Variants in GATAD1 observed in about 807,000 individuals in gnomAD.
GATAD1 encodes the protein GATA zinc finger domain containing 1.
Under a neutral mutation model 26.5 loss-of-function variants are expected in GATAD1, and 12 were observed. The observed-to-expected ratio is 0.45, with a 90% CI of 0.29 to 0.73. GATAD1 has a LOEUF of 0.73. GATAD1 is among the 30% of genes least tolerant of loss of function. The probability of loss-of-function intolerance (pLI) is 0.10; values close to 1 mark genes in which losing one functional copy is unlikely to be tolerated. For synonymous variants in GATAD1, 129 were observed against 133.1 expected, an observed-to-expected ratio of 0.97 and a Z score of 0.21; for missense variants, 266 against 342.1, an observed-to-expected ratio of 0.78 and a Z score of 1.75.
the GATAD1 span, among the ~76,000 whole-genome samples, chr7:92,485,772 CA>C: frequency 6.6e-6 from 1 of 152,204 alleles, no homozygotes; most frequent in Non-Finnish European, 1.5e-5. Flanking sequence ...ATATCTCCTC[CA>C]TTCTGTCAGG....
At chr7:92,473,938 C>G in the GATAD1 span, among the ~76,000 whole-genome samples, 1 of 152,006 alleles carries the variant, frequency 6.6e-6, no homozygotes, top group African/African-American at 2.4e-5. Flanking sequence ...GACCTTTGTC[C>G]CCTGGGGCAG....
chr7:92,447,695 C>G lies in GATAD1; in HGVS notation c.-35C>G. 5.6e-6 allele frequency: 8 copies of G among 1,425,986 alleles called. No homozygotes were observed. Among genetic ancestry groups the G allele is most frequent in the Non-Finnish European group, 7.3e-6 (8 of 1,089,224 alleles). 88.3% of individuals were successfully genotyped at this position (1,425,986 alleles called of 1,614,324 possible). On this transcript the variant is annotated 5_prime_UTR_variant, in exon 1 of 5. Coordinates refer to ENST00000287957, the MANE Select transcript of GATAD1 (RefSeq NM_021167.5). ...GGGCTACCGTCCGCCATTCCCGTGT[C>G]TCTGCGCCCGCGGGGGCCGCCCGAG... is the stretch of plus-strand genomic sequence containing the variant.
the GATAD1 span, among the ~76,000 whole-genome samples, chr7:92,485,718 G>C: frequency 1.3e-5 from 2 of 152,198 alleles, no homozygotes; most frequent in Admixed American, 6.5e-5. Flanking sequence ...CTTACAAACA[G>C]TGGAGACAGG....
chr7:92,474,308 T>TA, the GATAD1 span, among the ~76,000 whole-genome samples: 4 of 152,192 alleles, frequency 2.6e-5, no homozygotes, highest in Admixed American at 6.5e-5. Flanking sequence ...GTGATAAACT[T>TA]ACGCTTTAAG....
At chr7:92,464,749 G>A (rs1194554057), downstream of GATAD1, among the ~76,000 whole-genome samples, 2 of 152,184 alleles carry the variant, frequency 1.3e-5, no homozygotes, top group Non-Finnish European at 2.9e-5. Flanking sequence ...AGTGGCTTCA[G>A]CAAAGGCATC....
rs1241115800 is a variant in GATAD1, at chr7:92,457,939, C to A, written c.*1377C>A. ...ATCACTTGAGGTCAGGAGTTCAGGACCAGCCTGGCCAACATGATGAAACCC... is the reference window on the plus strand; with the variant it reads ...ATCACTTGAGGTCAGGAGTTCAGGAACAGCCTGGCCAACATGATGAAACCC... On this transcript the variant is annotated 3_prime_UTR_variant, in exon 5 of 5. Coordinates refer to ENST00000287957, the MANE Select transcript of GATAD1 (RefSeq NM_021167.5). 6.6e-6 allele frequency: 1 copy of A among 152,184 alleles called. No homozygotes were observed. The highest frequency in any genetic ancestry group is 2.4e-5 in the African/African-American group (1 of 41,422). The allele number at this position is 152,184 out of a possible 1,614,324, so 9.4% of individuals were successfully genotyped here.
At chr7:92,494,703 G>T in the GATAD1 span, 1 of 1,171,638 alleles carries the variant, frequency 8.5e-7, no homozygotes, top group Non-Finnish European at 1.2e-6. Flanking sequence ...ATACATATAT[G>T]AATGTATTTA....
chr7:92,482,035 G>GA, the GATAD1 span, among the ~76,000 whole-genome samples: 6 of 152,226 alleles, frequency 3.9e-5, no homozygotes, highest in African/African-American at 1.4e-4. Context: ...AGATTTAAAG[G>GA]AGGGGCTACA....
Position 92,458,804 on chromosome 7 carries a change from A to T in GATAD1, c.*2242A>T, listed in dbSNP as rs1789798954. ...AACTTTCTAAGTGCCAATATTCAAA[A>T]CTTTTGGATTAAAATGTATTTTTCA... is the stretch of plus-strand genomic sequence containing the variant. On this transcript the variant is annotated 3_prime_UTR_variant, in exon 5 of 5. Coordinates refer to ENST00000287957, the MANE Select transcript of GATAD1 (RefSeq NM_021167.5). 6.6e-6 allele frequency: 1 copy of T among 152,206 alleles called. No homozygotes were observed. Among genetic ancestry groups the T allele is most frequent in the South Asian group, 2.1e-4 (1 of 4,830 alleles). The allele number at this position is 152,206 out of a possible 1,614,324, so 9.4% of individuals were successfully genotyped here.
At chr7:92,454,038 A>G (rs183526168) in intron 3 of GATAD1, 52 of 186,872 alleles carry the variant, frequency 2.8e-4, no homozygotes, top group Middle Eastern at 2.2e-3. Context: ...TGATGATGCT[A>G]TGTCAGTGTA....
At chr7:92,489,696 A>AG in the GATAD1 span, 2 of 1,602,208 alleles carry the variant, frequency 1.2e-6, no homozygotes, top group South Asian at 1.1e-5. Flanking sequence ...AATTATAATG[A>AG]GGGGGAAAAA....
In GATAD1 at chr7:92,454,526, G is replaced by C. The variant is rs554905494; in HGVS notation, c.460G>C (p.Val154Leu). The C allele has an allele frequency of 6.2e-7, 1 of 1,612,222 alleles. No individual in the cohort carries two copies. The highest frequency in any genetic ancestry group is 8.5e-7 in the Non-Finnish European group (1 of 1,178,326). Residue 154 changes from valine (V) to leucine (L), a missense_variant, in exon 4 of 5, where the codon GTT becomes CTT. Val to Leu is a conservative substitution (Grantham distance 32). Transcript: ENST00000287957. ...GGGAGTATATTACCAAATTGGTGAT[G>C]TTGTTTCTGTGATTGATGAACAAGA... ...YKGVYYQIGD[V>L]VSVIDEQDGK...
intron 1 of GATAD1, 106 bp downstream of exon 1, chr7:92,448,084 C>T (rs1242449560): frequency 9.6e-6 from 8 of 831,824 alleles, no homozygotes; most frequent in Non-Finnish European, 1.3e-5. Context: ...GATCGCCGTG[C>T]TCCTGCTGGC....
the GATAD1 span, chr7:92,489,363 G>A: frequency 3.7e-6 from 6 of 1,609,412 alleles, no homozygotes; most frequent in Non-Finnish European, 5.1e-6. Flanking sequence ...GTCATTAAAT[G>A]TGACTGACTA....
At chr7:92,478,495 G>A in the GATAD1 span, among the ~76,000 whole-genome samples, 3 of 152,192 alleles carry the variant, frequency 2.0e-5, no homozygotes, top group African/African-American at 7.2e-5. Context: ...TCGTGGGGTG[G>A]CAGAGGTCAG....
intron 3 of GATAD1, among the ~76,000 whole-genome samples, chr7:92,452,344 G>GT (rs1489439426): frequency 4.6e-5 from 7 of 152,238 alleles, no homozygotes; most frequent in African/African-American, 1.7e-4. Context: ...GCCCAGTATT[G>GT]TAGTGGCTAT....
intron 3 of GATAD1, among the ~76,000 whole-genome samples, chr7:92,452,422 TAG>T (rs1260077375): frequency 6.6e-6 from 1 of 152,222 alleles, no homozygotes; most frequent in Non-Finnish European, 1.5e-5. Context: ...GCCACTGAGC[TAG>T]AGCCCAGATC....
chr7:92,453,404 A>G (rs989648278), intron 3 of GATAD1, among the ~76,000 whole-genome samples: 3 of 152,230 alleles, frequency 2.0e-5, no homozygotes, highest in African/African-American at 7.2e-5. Flanking sequence ...GGAAGAGGAC[A>G]TAGGATGGAT....
chr7:92,482,257 A>G, the GATAD1 span, among the ~76,000 whole-genome samples: 1 of 152,162 alleles, frequency 6.6e-6, no homozygotes, highest in African/African-American at 2.4e-5. Context: ...GGGAATAGTG[A>G]AAAAAGCATC....
Sources: gnomAD v4.1 joint callset for allele counts (sites outside exome capture counted in the v4.1 genomes callset) on GRCh38, gnomAD v4.1.1 for gene constraint, MANE v1.5 for transcripts, NCBI Gene and HGNC (gene_info 2026-07-23, HGNC 2026-07-21) for gene names.